BEGAIN: variants seen among roughly 807,000 people sequenced by gnomAD.
BEGAIN encodes brain-enriched guanylate kinase-associated protein.
In BEGAIN, 19 loss-of-function variants were observed where a neutral mutation model predicts 35.8. The observed-to-expected ratio is 0.53, with a 90% CI of 0.37 to 0.78. The LOEUF (loss-of-function observed/expected upper bound fraction) is 0.78. BEGAIN is among the 30% of genes least tolerant of loss of function. The pLI is 0.00. For missense variants in BEGAIN, 795 were observed against 853.6 expected, an observed-to-expected ratio of 0.93 and a Z score of 0.85; for synonymous variants, 462 against 388.6, an observed-to-expected ratio of 1.19 and a Z score of -2.22.
At chr14:100,584,062 AG>A (rs1249283073) in intron 1 of BEGAIN, among the ~76,000 whole-genome samples, 1 of 152,084 alleles carries the variant, frequency 6.6e-6, no homozygotes, top group Non-Finnish European at 1.5e-5. Context: ...CCTTCCATAC[AG>A]TATCATCCAC....
intron 1 of BEGAIN, among the ~76,000 whole-genome samples, chr14:100,570,663 G>C (rs114546396): frequency 1.1e-3 from 160 of 152,322 alleles, no homozygotes; most frequent in African/African-American, 3.8e-3. Flanking sequence ...AGTGACACAG[G>C]CATCTTTATG....
rs933211042 is a variant in BEGAIN, at chr14:100,558,287, C to G, written c.71+9624G>C. On this transcript the variant is annotated intron_variant, in intron 2 of 6. Transcript: ENST00000554140. This position sits in a 1 kb window ranked among gnomAD's most constrained non-coding sequence, Gnocchi z 4.6. ...ATCTTGTCCCCTCCATGTCACCGAA[C>G]TGGTCCTGTCTCAGCCTTCACCTGA... 2.6e-5 allele frequency among the ~76,000 whole-genome samples: 4 copies of G among 152,174 alleles called. No homozygotes were observed. Among genetic ancestry groups the G allele is most frequent in the Non-Finnish European group, 5.9e-5 (4 of 68,034 alleles).
intron 1 of BEGAIN, among the ~76,000 whole-genome samples, chr14:100,580,768 G>A (rs564731267): frequency 5.6e-4 from 85 of 152,276 alleles, no homozygotes; most frequent in African/African-American, 2.0e-3. Flanking sequence ...CTTTGCATAG[G>A]GCCTGGCACA....
At chr14:100,556,370 C>G (rs1479377658) in intron 2 of BEGAIN, among the ~76,000 whole-genome samples, 1 of 152,194 alleles carries the variant, frequency 6.6e-6, no homozygotes, top group African/African-American at 2.4e-5. Flanking sequence ...GAACCACGTG[C>G]TGGGAGCTGG....
At chr14:100,555,000 C>T (rs1299090890) in intron 2 of BEGAIN, among the ~76,000 whole-genome samples, 1 of 152,378 alleles carries the variant, frequency 6.6e-6, no homozygotes, top group South Asian at 2.1e-4. Flanking sequence ...GTCACACGCT[C>T]ACCCTCTCAG....
Position 100,568,794 on chromosome 14 carries a change from C to G in BEGAIN, c.43-855G>C. ...GAGCTGGGGGCGCCGGGCGGGCTCT[C>G]TATCACCCGGGAGAGGCCGCTCCCC... On this transcript the variant is annotated intron_variant, in intron 1 of 6. Coordinates refer to ENST00000554140, the MANE Select transcript of BEGAIN (RefSeq NM_001385089.1). The surrounding 1 kb of genome is among the most constrained non-coding windows in gnomAD (Gnocchi z 7.5). 1 of 918,724 alleles carries G rather than the reference C, an allele frequency of 1.1e-6. No individual in the cohort carries two copies. 56.9% of individuals were successfully genotyped at this position (918,724 alleles called of 1,614,324 possible).
At chr14:100,554,880 C>CA (rs1453101346) in intron 2 of BEGAIN, among the ~76,000 whole-genome samples, 2 of 152,098 alleles carry the variant, frequency 1.3e-5, no homozygotes, top group African/African-American at 4.8e-5. Flanking sequence ...CCATTCCTGG[C>CA]CCCCCCCACC....
At chr14:100,570,831 C>T (rs911841272) in intron 1 of BEGAIN, among the ~76,000 whole-genome samples, 2 of 152,200 alleles carry the variant, frequency 1.3e-5, no homozygotes, top group East Asian at 1.9e-4. Flanking sequence ...TTCGTGAGAC[C>T]CTTACTACGG....
intron 4 of BEGAIN, 91 bp from the exon 5 acceptor site, chr14:100,544,056 GT>G: frequency 1.1e-6 from 1 of 892,562 alleles, no homozygotes; most frequent in Non-Finnish European, 1.8e-6. Flanking sequence ...TTTGTCCCTT[GT>G]AGCCATGAGT....
intron 2 of BEGAIN, 107 bp from the exon 3 acceptor site, chr14:100,546,769 CG>C: frequency 1.4e-6 from 1 of 740,230 alleles, no homozygotes; most frequent in Non-Finnish European, 1.8e-6. Flanking sequence ...TACCGGCGCG[CG>C]CGCGCGCGCG....
At chr14:100,544,620 C>T (rs781347565) in intron 4 of BEGAIN, among the ~76,000 whole-genome samples, 9 of 152,178 alleles carry the variant, frequency 5.9e-5, no homozygotes, top group Non-Finnish European at 1.2e-4. Flanking sequence ...CCATGAGAGG[C>T]GGAGCTGGGG....
At chr14:100,580,539 T>C (rs998792389) in intron 1 of BEGAIN, among the ~76,000 whole-genome samples, 1 of 152,000 alleles carries the variant, frequency 6.6e-6, no homozygotes, top group Non-Finnish European at 1.5e-5. Context: ...CCAGAAACAC[T>C]CTCACTCTCT....
rs764843914 is a variant in BEGAIN at position 100,558,845 on chromosome 14, G to A, written c.71+9066C>T. Among the ~76,000 whole-genome samples, 13 of 152,178 alleles carry A rather than the reference G, an allele frequency of 8.5e-5. No individual in the cohort carries two copies. Among genetic ancestry groups the A allele is most frequent in the African/African-American group, 2.2e-4 (9 of 41,438 alleles). ...AGCTACTCTCATCTGCTCTCAGCCCGAGACCTCCTTGAAACCAACGTCAGA... is the reference window on the plus strand; with the variant it reads ...AGCTACTCTCATCTGCTCTCAGCCCAAGACCTCCTTGAAACCAACGTCAGA... On this transcript the variant is annotated intron_variant, in intron 2 of 6. Transcript: ENST00000554140. This position sits in a 1 kb window ranked among gnomAD's most constrained non-coding sequence, Gnocchi z 4.6.
In BEGAIN at chr14:100,568,707, TG is replaced by T. The variant is rs1041574018; in HGVS notation, c.43-769del. Among the ~76,000 whole-genome samples the T allele has an allele frequency of 1.3e-5, 2 of 151,196 alleles. No homozygotes were observed. The highest frequency in any genetic ancestry group is 3.0e-5 in the Non-Finnish European group (2 of 67,650). ...GGGACCCACCCGCCGCCGTTAACCT[TG>T]TGGGCGCGGGCGAGCGACGGGGACC... On this transcript the variant is annotated intron_variant, in intron 1 of 6. Coordinates refer to ENST00000554140, the MANE Select transcript of BEGAIN (RefSeq NM_001385089.1). This position sits in a 1 kb window ranked among gnomAD's most constrained non-coding sequence, Gnocchi z 7.5.
intron 1 of BEGAIN, among the ~76,000 whole-genome samples, chr14:100,575,089 A>G (rs1005215654): frequency 6.6e-6 from 1 of 152,178 alleles, no homozygotes; most frequent in African/African-American, 2.4e-5. Flanking sequence ...GCCAGGCAGG[A>G]CAGCACAGGA....
At position 100,545,050 on chromosome 14, in the gene BEGAIN, T is replaced by C. The variant is rs745534996; in HGVS notation, c.250A>G (p.Met84Val). Residue 84 changes from methionine to valine, a missense_variant, in exon 4 of 7, where the codon ATG becomes GTG. By Grantham distance (21) the Met-to-Val change is conservative (BLOSUM62 1). Transcript: ENST00000554140. Reference protein sequence around the residue: ...EKLRRIQSNYMALQRINQELE... With the variant: ...EKLRRIQSNYVALQRINQELE... Reference sequence around the variant, plus strand: ...TCCTGGTTGATCCTCTGCAGTGCCATGTAGTTGCTCTGAATCCTGGTGCAG... The same window carrying C: ...TCCTGGTTGATCCTCTGCAGTGCCACGTAGTTGCTCTGAATCCTGGTGCAG... 3.1e-6 allele frequency: 5 copies of C among 1,613,290 alleles called. No individual in the cohort carries two copies. In the African/African-American group the frequency reaches 5.3e-5, roughly 17 times the overall value.
intron 2 of BEGAIN, among the ~76,000 whole-genome samples, chr14:100,564,145 A>G (rs2034503097): frequency 7.0e-6 from 1 of 141,882 alleles, no homozygotes; most frequent in South Asian, 2.4e-4. Context: ...TCTGTGGGGA[A>G]GGGTCTCGGG....
At chr14:100,539,355 C>T in intron 6 of BEGAIN, 40 bp from the exon 7 acceptor site, 1 of 1,513,608 alleles carries the variant, frequency 6.6e-7, no homozygotes, top group Middle Eastern at 1.8e-4. Context: ...GGTACAGGGT[C>T]ACTGTTAGCA....
chr14:100,584,941 G>C (rs1348568036), intron 1 of BEGAIN, among the ~76,000 whole-genome samples: 2 of 152,010 alleles, frequency 1.3e-5, no homozygotes, highest in African/African-American at 4.8e-5. Flanking sequence ...CTCCCTTAGG[G>C]GGAGGAGCCA....
Sources: allele counts gnomAD v4.1 joint callset (sites outside exome capture counted in the v4.1 genomes callset), GRCh38; gene constraint gnomAD v4.1.1; non-coding constraint Gnocchi (gnomAD v3.1); transcripts MANE v1.5; gene names NCBI Gene and HGNC (gene_info 2026-07-23, HGNC 2026-07-21).